TCOF1: variants seen among roughly 807,000 people sequenced by gnomAD.
The protein encoded by TCOF1 is treacle ribosome biogenesis factor 1.
In TCOF1, 33 loss-of-function variants were observed where a neutral mutation model predicts 149.0. The ratio of observed to expected loss-of-function variants is 0.22; its 90% CI spans 0.17 to 0.30. TCOF1 has a LOEUF of 0.30. TCOF1 is among the 10% of genes least tolerant of loss of function. The probability of loss-of-function intolerance (pLI) is 1.00; values close to 1 mark genes in which losing one functional copy is unlikely to be tolerated. For missense variants in TCOF1, 1,728 were observed against 1,840.7 expected, an observed-to-expected ratio of 0.94 and a Z score of 1.12; for synonymous variants, 789 against 738.8, an observed-to-expected ratio of 1.07 and a Z score of -1.10.
At chr5:150,387,140 G>T (rs1766456854) in intron 17 of TCOF1, among the ~76,000 whole-genome samples, 1 of 152,140 alleles carries the variant, frequency 6.6e-6, no homozygotes, top group South Asian at 2.1e-4. Context: ...CAGTTATAAG[G>T]ACCTTTTTAA....
chr5:150,386,670 C>T (rs2150964757), intron 17 of TCOF1, among the ~76,000 whole-genome samples: 1 of 152,350 alleles, frequency 6.6e-6, no homozygotes, highest in South Asian at 2.1e-4. Flanking sequence ...CTCCCTCTTC[C>T]TGCCCTCCAG....
At chr5:150,396,972 A>G in intron 24 of TCOF1, 130 bp downstream of exon 24, 1 of 1,097,814 alleles carries the variant, frequency 9.1e-7, no homozygotes, top group Non-Finnish European at 1.3e-6. Flanking sequence ...AGCCTGGCCA[A>G]CATGGCAAAA....
intron 7 of TCOF1, 75 bp downstream of exon 7, chr5:150,372,311 C>T (rs559695676): frequency 2.3e-6 from 3 of 1,315,220 alleles, no homozygotes; most frequent in East Asian, 2.5e-5. Flanking sequence ...GCCATGAGCA[C>T]CTCTGCCACT....
At chr5:150,359,949 T>C (rs1030510812) in intron 1 of TCOF1, among the ~76,000 whole-genome samples, 2 of 151,624 alleles carry the variant, frequency 1.3e-5, no homozygotes, top group Non-Finnish European at 2.9e-5. Context: ...AATGAGGGAG[T>C]GAGCTGTGTA....
chr5:150,368,414 A>G, intron 4 of TCOF1: 1 of 448,932 alleles, frequency 2.2e-6, no homozygotes, highest in South Asian at 2.4e-5. Flanking sequence ...GATTGCCTGG[A>G]GCATTAGCAA....
intron 17 of TCOF1, chr5:150,384,975 C>T (rs1765978545): frequency 1.0e-6 from 1 of 985,412 alleles, no homozygotes; most frequent in Non-Finnish European, 1.2e-6. Context: ...CATTCCTAGA[C>T]CCCTCACTGT....
In TCOF1 at chr5:150,396,668, G is replaced by A. The variant is rs371063028; in HGVS notation, c.4171G>A (p.Ala1391Thr). 12 of 1,611,666 alleles carry A rather than the reference G, an allele frequency of 7.4e-6. No homozygotes were observed. The East Asian group carries it at 1.8e-4, about 24-fold the overall frequency. The change falls in exon 24 of 27, where the codon GCA becomes ACA. Residue 1391 changes from alanine to threonine, a missense_variant. This residue lies in a region of TCOF1 where 1,696 missense variants were observed against 1,765.4 expected (regional missense o/e 0.96). Transcript: ENST00000643257. ...EKTSTTSKGK[A>T]KRDKASGDVK... Reference sequence around the variant, plus strand: ...GACCTCCACGACTTCCAAGGGGAAAGCAAAGAGAGACAAAGCAAGTGGTGA... The same window carrying A: ...GACCTCCACGACTTCCAAGGGGAAAACAAAGAGAGACAAAGCAAGTGGTGA...
chr5:150,388,118 G>C, intron 18 of TCOF1, 30 bp downstream of exon 18: 2 of 1,612,540 alleles, frequency 1.2e-6, no homozygotes, highest in Non-Finnish European at 1.7e-6. Context: ...AGTGGTGGGA[G>C]GGGCTGCCAG....
In TCOF1 at chr5:150,385,189, ACTT is replaced by A. The variant is rs761048132; in HGVS notation, c.2860-2707_2860-2705del. Reference sequence around the variant, plus strand: ...TTGTCGGTAATATTTTTTAAGGCCAACTTCTTCTATTAGTTTGTCAAAGACGTA... The same window carrying A: ...TTGTCGGTAATATTTTTTAAGGCCAACTTCTATTAGTTTGTCAAAGACGTA... On this transcript the variant is annotated intron_variant, in intron 17 of 26. Transcript: ENST00000643257. 67 of 701,740 alleles carry A rather than the reference ACTT, an allele frequency of 9.5e-5. No homozygotes were observed. The Admixed American group carries it at 1.1e-3, about 12-fold the overall frequency. 43.5% of individuals were successfully genotyped at this position (701,740 alleles called of 1,614,324 possible). A position where few individuals can be genotyped will look rare whatever the true frequency, so the allele number is the denominator to read the frequency against.
Position 150,387,640 on chromosome 5 carries a change from G to T in TCOF1, c.2860-262G>T, listed in dbSNP as rs563163676. ...TCTGGGCTTGTGGTTTTCCCACTTT[G>T]TATAAGGGAGCTGATCCTGCTGAAT... On this transcript the variant is annotated intron_variant, in intron 17 of 26. Transcript: ENST00000643257. 3.3e-5 allele frequency among the ~76,000 whole-genome samples: 5 copies of T among 152,282 alleles called. No homozygotes were observed. In the South Asian group the frequency reaches 1.0e-3, roughly 32 times the overall value.
intron 6 of TCOF1, among the ~76,000 whole-genome samples, chr5:150,370,299 G>A (rs566137985): frequency 3.3e-5 from 5 of 152,214 alleles, no homozygotes; most frequent in East Asian, 3.9e-4. Context: ...ATGAGTAGGC[G>A]TAAGCAGAAG....
In TCOF1 at chr5:150,388,784, A is replaced by G. The variant is rs1454458816; in HGVS notation, c.3046+696A>G. On this transcript the variant is annotated intron_variant, in intron 18 of 26. Transcript: ENST00000643257. The stretch of plus-strand genomic sequence containing the variant: ...GAAACCCCGTCTCTACTAAAAATAC[A>G]AAAAATTAGCCTGGCGGGCGCCTGT... 2.6e-5 allele frequency among the ~76,000 whole-genome samples: 4 copies of G among 151,364 alleles called. 1 individual carries two copies. In the South Asian group the frequency reaches 6.3e-4, roughly 24 times the overall value.
intron 2 of TCOF1, among the ~76,000 whole-genome samples, chr5:150,362,555 A>G (rs1397709053): frequency 6.6e-6 from 1 of 152,196 alleles, no homozygotes; most frequent in African/African-American, 2.4e-5. Context: ...CAGCTTCTGA[A>G]TATAATGACA....
At position 150,374,624 on chromosome 5, in the gene TCOF1, C is replaced by T. The variant is rs745940724; in HGVS notation, c.1091C>T (p.Ala364Val). The change falls in exon 9 of 27, where the codon GCC (alanine) becomes GTC (valine). Residue 364 changes from alanine to valine, a missense_variant. Around this residue, in one of 2 missense-constraint regions of TCOF1, gnomAD observed 1,696 missense variants for 1,765.4 expected, o/e 0.96. Coordinates refer to ENST00000643257, the MANE Select transcript of TCOF1 (RefSeq NM_001371623.1). The part of the protein sequence containing the change: ...PAAKALLQAK[A>V]SGKTSQVGAA... ...CTTGTCTTGTTTCTCCAGGCGAAGG[C>T]CTCAGGAAAAACCTCTCAGGTCGGA... The T allele has an allele frequency of 3.1e-5, 50 of 1,612,832 alleles. No homozygotes were observed. The highest frequency in any genetic ancestry group is 4.2e-5 in the Non-Finnish European group (49 of 1,179,898).
intron 24 of TCOF1, among the ~76,000 whole-genome samples, chr5:150,398,040 A>T (rs113584245): frequency 7.0e-4 from 107 of 152,306 alleles, no homozygotes; most frequent in African/African-American, 2.5e-3. Context: ...CTCTTGCTTC[A>T]GCCCCCCAAA....
At chr5:150,362,541 G>T (rs1024814167) in intron 2 of TCOF1, among the ~76,000 whole-genome samples, 2 of 152,166 alleles carry the variant, frequency 1.3e-5, no homozygotes, top group African/African-American at 4.8e-5. Context: ...AGGAAGACAG[G>T]TTTCAGCTTC....
chr5:150,393,646 A>G (rs1027937850), intron 23 of TCOF1, 94 bp downstream of exon 23: 16 of 1,523,984 alleles, frequency 1.0e-5, no homozygotes, highest in Non-Finnish European at 1.3e-5. Context: ...TCCTCCCAAC[A>G]TGGTCCTGTC....
At position 150,375,171 on chromosome 5, in the gene TCOF1, T is replaced by C. The variant is rs1763464324; in HGVS notation, c.1488+8T>C. On this transcript the variant is annotated splice_region_variant and intron_variant, in intron 10 of 26. Coordinates refer to ENST00000643257, the MANE Select transcript of TCOF1 (RefSeq NM_001371623.1). ...GCCATGAATGCAGCTCAGGTGAGGC[T>C]GGAAGCCGCCCTGCATGGCCTGTGC... 6.2e-7 allele frequency: 1 copy of C among 1,613,148 alleles called. No homozygotes were observed. The highest frequency in any genetic ancestry group is 8.5e-7 in the Non-Finnish European group (1 of 1,179,604).
At chr5:150,397,713 C>T in intron 24 of TCOF1, among the ~76,000 whole-genome samples, 1 of 152,174 alleles carries the variant, frequency 6.6e-6, no homozygotes, top group East Asian at 1.9e-4. Flanking sequence ...CTTGCAGCCC[C>T]TTGGTGCTCA....
Sources: allele counts gnomAD v4.1 joint callset (sites outside exome capture counted in the v4.1 genomes callset), GRCh38; gene constraint gnomAD v4.1.1; regional missense constraint gnomAD v4.1.1; transcripts MANE v1.5; gene names NCBI Gene and HGNC (gene_info 2026-07-23, HGNC 2026-07-21).